The following KCNIP4 variants were observed in gnomAD, a reference collection of about 807,000 sequenced individuals.
KCNIP4 encodes potassium voltage-gated channel interacting protein 4.
A neutral mutation model predicts 34.0 loss-of-function variants in KCNIP4; 12 were observed. That is an observed-to-expected ratio of 0.35 (90% CI 0.23 to 0.57). The LOEUF is 0.57. Among genes scored for constraint, KCNIP4 ranks in the 20% least tolerant of loss-of-function variants. KCNIP4 has a pLI of 0.83. For synonymous variants in KCNIP4, 124 were observed against 102.2 expected, an observed-to-expected ratio of 1.21 and a Z score of -1.29; for missense variants, 238 against 311.7, an observed-to-expected ratio of 0.76 and a Z score of 1.78.
intron 1 of KCNIP4, among the ~76,000 whole-genome samples, chr4:20,990,373 T>G (rs1446736667): frequency 2.6e-5 from 4 of 152,324 alleles, no homozygotes; most frequent in Admixed American, 6.5e-5. Flanking sequence ...AAATGTGTCT[T>G]GAATGGACTT....
intron 1 of KCNIP4, among the ~76,000 whole-genome samples, chr4:21,508,943 A>T (rs1734084858): frequency 6.6e-6 from 1 of 152,132 alleles, no homozygotes; most frequent in African/African-American, 2.4e-5. Flanking sequence ...TAACATGGAC[A>T]CCTTCTTGCT....
At chr4:20,788,902 A>C (rs755345024) in intron 3 of KCNIP4, among the ~76,000 whole-genome samples, 5 of 152,136 alleles carry the variant, frequency 3.3e-5, no homozygotes, top group African/African-American at 4.8e-5. Context: ...TTATTGGGCA[A>C]AATATTTTGC....
intron 1 of KCNIP4, among the ~76,000 whole-genome samples, chr4:21,648,019 G>T (rs1158569809): frequency 2.0e-5 from 3 of 151,374 alleles, no homozygotes; most frequent in African/African-American, 7.3e-5. Flanking sequence ...GACTACAGAC[G>T]CTCGCCACCA....
chr4:21,928,109 T>TAC (rs72138703), intron 1 of KCNIP4, among the ~76,000 whole-genome samples: 5 of 16,868 alleles, frequency 3.0e-4, no homozygotes, highest in Non-Finnish European at 1.6e-3. Context: ...CAGATTAGAC[T>TAC]ATATATATAT....
At chr4:21,924,039 C>T (rs1285730959) in intron 1 of KCNIP4, among the ~76,000 whole-genome samples, 1 of 152,116 alleles carries the variant, frequency 6.6e-6, no homozygotes, top group Non-Finnish European at 1.5e-5. Context: ...TCTACTTCTA[C>T]AATGCAAATC....
chr4:21,247,466 G>A (rs1211707999), intron 1 of KCNIP4, among the ~76,000 whole-genome samples: 1 of 151,172 alleles, frequency 6.6e-6, no homozygotes, highest in African/African-American at 2.4e-5. Context: ...AGAGAGACAG[G>A]TGTAGTTCTT....
intron 3 of KCNIP4, among the ~76,000 whole-genome samples, chr4:20,770,763 G>A (rs1277548674): frequency 2.6e-5 from 4 of 151,986 alleles, no homozygotes; most frequent in African/African-American, 7.2e-5. Flanking sequence ...GTGAAACCCC[G>A]TCTGTACTAA....
intron 1 of KCNIP4, among the ~76,000 whole-genome samples, chr4:21,444,709 C>A (rs1218304718): frequency 6.6e-6 from 1 of 152,148 alleles, no homozygotes; most frequent in South Asian, 2.1e-4. Context: ...CCTTTGAAAA[C>A]TGGCACAAGA....
chr4:21,319,901 G>T (rs961693771), intron 1 of KCNIP4, among the ~76,000 whole-genome samples: 1 of 152,128 alleles, frequency 6.6e-6, no homozygotes, highest in Non-Finnish European at 1.5e-5. Flanking sequence ...AAAGAAAAAA[G>T]AATAGGATAG....
intron 1 of KCNIP4, among the ~76,000 whole-genome samples, chr4:20,970,396 C>T (rs969659848): frequency 6.6e-6 from 1 of 152,060 alleles, no homozygotes; most frequent in African/African-American, 2.4e-5. Flanking sequence ...ATTTTCAGTG[C>T]TTTGATGTTT....
chr4:20,818,214 T>C (rs1716655159), intron 3 of KCNIP4, among the ~76,000 whole-genome samples: 2 of 152,118 alleles, frequency 1.3e-5, no homozygotes, highest in Non-Finnish European at 2.9e-5. Flanking sequence ...CAATACCAAA[T>C]AGCTAAGTAA....
At chr4:21,694,484 A>T (rs1422383125) in intron 1 of KCNIP4, among the ~76,000 whole-genome samples, 2 of 152,196 alleles carry the variant, frequency 1.3e-5, no homozygotes, top group African/African-American at 4.8e-5. Context: ...ATATGTTTGT[A>T]AAATACACTC....
chr4:21,071,852 C>G (rs577972102), intron 1 of KCNIP4, among the ~76,000 whole-genome samples: 1 of 152,194 alleles, frequency 6.6e-6, no homozygotes, highest in African/African-American at 2.4e-5. Flanking sequence ...TCCAAGTGTT[C>G]TCATTGTTCA....
intron 1 of KCNIP4, among the ~76,000 whole-genome samples, chr4:21,417,807 T>C (rs903377647): frequency 2.6e-5 from 4 of 152,174 alleles, no homozygotes; most frequent in African/African-American, 4.8e-5. Context: ...ACTTCTACAG[T>C]AGATCTTGGG....
intron 3 of KCNIP4, among the ~76,000 whole-genome samples, chr4:20,808,711 G>A (rs1447769168): frequency 6.6e-6 from 1 of 152,092 alleles, no homozygotes; most frequent in Non-Finnish European, 1.5e-5. Flanking sequence ...CCATACGCTG[G>A]ATGGATTGAG....
chr4:21,536,374 GT>G (rs1411566963), intron 1 of KCNIP4, among the ~76,000 whole-genome samples: 3 of 152,064 alleles, frequency 2.0e-5, no homozygotes, highest in Admixed American at 1.3e-4. Context: ...TTGTGTATTT[GT>G]TTTACTTTGT....
intron 1 of KCNIP4, among the ~76,000 whole-genome samples, chr4:21,364,568 C>T (rs1399934326): frequency 6.6e-6 from 1 of 151,978 alleles, no homozygotes; most frequent in South Asian, 2.1e-4. Context: ...AGGATAGTAT[C>T]TCATGATAAT....
At chr4:21,167,775 T>C (rs1477526469) in intron 1 of KCNIP4, among the ~76,000 whole-genome samples, 1 of 152,208 alleles carries the variant, frequency 6.6e-6, no homozygotes, top group Non-Finnish European at 1.5e-5. Context: ...CCTGCTCATT[T>C]TTCATTTCTA....
intron 1 of KCNIP4, among the ~76,000 whole-genome samples, chr4:20,971,363 A>G (rs920951523): frequency 5.3e-5 from 8 of 152,228 alleles, no homozygotes; most frequent in African/African-American, 1.7e-4. Flanking sequence ...ATTTAAAAGG[A>G]CAATCTATTA....
Sources: allele counts gnomAD v4.1 joint callset (sites outside exome capture counted in the v4.1 genomes callset), GRCh38; gene constraint gnomAD v4.1.1; transcripts MANE v1.5; gene names NCBI Gene and HGNC (gene_info 2026-07-23, HGNC 2026-07-21).